Variants in CDK14 observed in about 807,000 individuals in gnomAD.
CDK14 encodes the protein cyclin-dependent kinase 14.
In CDK14, 34 loss-of-function variants were observed where a neutral mutation model predicts 60.7. The ratio of observed to expected loss-of-function variants is 0.56; its 90% CI spans 0.43 to 0.75. CDK14 has a LOEUF of 0.75. Ranked by LOEUF, CDK14 falls within the 30% of genes least tolerant of loss-of-function variation. The probability of loss-of-function intolerance (pLI) is 0.00; values close to 1 mark genes in which losing one functional copy is unlikely to be tolerated. For missense variants in CDK14, 482 were observed against 564.1 expected, an observed-to-expected ratio of 0.85 and a Z score of 1.47; for synonymous variants, 197 against 203.7, an observed-to-expected ratio of 0.97 and a Z score of 0.28.
At chr7:91,128,466 A>G (rs1410939743) in intron 14 of CDK14, among the ~76,000 whole-genome samples, 1 of 152,178 alleles carries the variant, frequency 6.6e-6, no homozygotes, top group African/African-American at 2.4e-5. Context: ...TTGAAAACAA[A>G]ATTTTTATAG....
chr7:90,732,308 TG>T (rs1802900358), intron 3 of CDK14, among the ~76,000 whole-genome samples: 1 of 152,012 alleles, frequency 6.6e-6, no homozygotes, highest in Admixed American at 6.6e-5. Context: ...TTTCTTTTTT[TG>T]TTGTGTCTCT....
chr7:90,651,652 G>A (rs1800645188), intron 2 of CDK14, among the ~76,000 whole-genome samples: 1 of 152,104 alleles, frequency 6.6e-6, no homozygotes, highest in Non-Finnish European at 1.5e-5. Context: ...ACAGTGACAT[G>A]TTTGTAGTTA....
rs964665040 is a variant in CDK14 at position 91,208,561 on chromosome 7, T to C, written c.*1425T>C. 1 of 152,228 alleles carries C rather than the reference T, an allele frequency of 6.6e-6. No homozygotes were observed. The highest frequency in any genetic ancestry group is 2.4e-5 in the African/African-American group (1 of 41,458). 9.4% of individuals were successfully genotyped at this position (152,228 alleles called of 1,614,324 possible). On this transcript the variant is annotated 3_prime_UTR_variant, in exon 15 of 15. Coordinates refer to ENST00000380050, the MANE Select transcript of CDK14 (RefSeq NM_001287135.2). ...ATACCTTTGTGTACAGTGTCTTACATTTTCCTATTAGTCAGAAAGAAGGAG... is the reference window on the plus strand; with the variant it reads ...ATACCTTTGTGTACAGTGTCTTACACTTTCCTATTAGTCAGAAAGAAGGAG...
intron 14 of CDK14, among the ~76,000 whole-genome samples, chr7:91,198,593 A>G (rs1453113046): frequency 1.3e-5 from 2 of 152,222 alleles, no homozygotes; most frequent in Non-Finnish European, 2.9e-5. Context: ...GACTCAAAAT[A>G]ACATTGGAAA....
At chr7:90,872,809 G>T (rs1285217882) in intron 6 of CDK14, among the ~76,000 whole-genome samples, 1 of 152,150 alleles carries the variant, frequency 6.6e-6, no homozygotes, top group African/African-American at 2.4e-5. Context: ...TATGGTAAAT[G>T]CCTGCCTATC....
intron 14 of CDK14, among the ~76,000 whole-genome samples, chr7:91,154,983 A>C (rs1800943726): frequency 6.6e-6 from 1 of 152,186 alleles, no homozygotes; most frequent in Admixed American, 6.5e-5. Flanking sequence ...GGGCATACTG[A>C]AGTGGACACA....
At chr7:90,863,419 C>A in intron 6 of CDK14, 150 bp downstream of exon 6, 1 of 491,072 alleles carries the variant, frequency 2.0e-6, no homozygotes, top group Non-Finnish European at 3.6e-6. Flanking sequence ...AAAATAAAGG[C>A]CCTATAAGAG....
chr7:91,109,650 A>G (rs1799417837), intron 12 of CDK14, among the ~76,000 whole-genome samples: 1 of 152,140 alleles, frequency 6.6e-6, no homozygotes, highest in African/African-American at 2.4e-5. Context: ...TCTCCTTGAG[A>G]GATGAGGATT....
chr7:90,964,348 A>G (rs1189134044), intron 9 of CDK14, among the ~76,000 whole-genome samples: 2 of 152,188 alleles, frequency 1.3e-5, no homozygotes, highest in Admixed American at 1.3e-4. Flanking sequence ...AAGGAGAGTC[A>G]TTGTTATAGT....
At chr7:91,022,753 G>C (rs1293651681) in intron 10 of CDK14, among the ~76,000 whole-genome samples, 3 of 151,556 alleles carry the variant, frequency 2.0e-5, no homozygotes, top group African/African-American at 7.3e-5. Context: ...TTTTTCATTT[G>C]TGTTCAAGAT....
chr7:90,968,376 A>G (rs898242554), intron 9 of CDK14, among the ~76,000 whole-genome samples: 1 of 152,244 alleles, frequency 6.6e-6, no homozygotes, highest in Non-Finnish European at 1.5e-5. Flanking sequence ...CATTAAAAAT[A>G]AAACAAAACG....
intron 4 of CDK14, among the ~76,000 whole-genome samples, chr7:90,760,424 C>G (rs78301224): frequency 1.3e-5 from 2 of 152,274 alleles, no homozygotes; most frequent in East Asian, 3.9e-4. Flanking sequence ...ATTGAAGCTG[C>G]AATCTTAAGT....
At chr7:91,182,487 C>T (rs1231459025) in intron 14 of CDK14, among the ~76,000 whole-genome samples, 2 of 151,938 alleles carry the variant, frequency 1.3e-5, no homozygotes, top group Non-Finnish European at 2.9e-5. Context: ...CTACCTCCAC[C>T]TCTGTCTCTC....
At chr7:91,097,548 A>G (rs1011016188) in intron 12 of CDK14, among the ~76,000 whole-genome samples, 5 of 151,688 alleles carry the variant, frequency 3.3e-5, no homozygotes, top group African/African-American at 9.7e-5. Context: ...ACATTCCAGG[A>G]TTTTCTGAGT....
At position 90,911,529 on chromosome 7, in the gene CDK14, A is replaced by G. The variant is rs142932762; in HGVS notation, c.703-6072A>G. The stretch of plus-strand genomic sequence containing the variant: ...AGAGACCCCGCACATTCCTTAAAAG[A>G]AGTTGACACACGCCCTGAAAAATCT... On this transcript the variant is annotated intron_variant, in intron 7 of 14. Coordinates refer to ENST00000380050, the MANE Select transcript of CDK14 (RefSeq NM_001287135.2). 7.6e-3 allele frequency among the ~76,000 whole-genome samples: 1,154 copies of G among 152,320 alleles called. 19 individuals carry two copies. Among genetic ancestry groups the G allele is most frequent in the African/African-American group, 0.027 (1,114 of 41,568 alleles).
intron 2 of CDK14, among the ~76,000 whole-genome samples, chr7:90,680,825 A>G (rs989047891): frequency 1.3e-5 from 2 of 152,220 alleles, no homozygotes; most frequent in African/African-American, 2.4e-5. Context: ...TGGAAACAAC[A>G]TTGTGATCAC....
At chr7:91,002,731 T>G (rs924141453) in intron 10 of CDK14, among the ~76,000 whole-genome samples, 5 of 152,142 alleles carry the variant, frequency 3.3e-5, no homozygotes, top group African/African-American at 1.2e-4. Context: ...AACCCCAGCC[T>G]CTTGAATCTA....
At chr7:90,598,125 A>G (rs901684097) in intron 1 of CDK14, among the ~76,000 whole-genome samples, 2 of 152,236 alleles carry the variant, frequency 1.3e-5, no homozygotes, top group African/African-American at 4.8e-5. Context: ...TCTGGAGTCC[A>G]TTAAGCCGTG....
At chr7:91,156,205 T>G (rs976760078) in intron 14 of CDK14, among the ~76,000 whole-genome samples, 5 of 152,332 alleles carry the variant, frequency 3.3e-5, no homozygotes, top group Non-Finnish European at 7.3e-5. Flanking sequence ...TTGTTGTTTG[T>G]TTTTTAATTT....
Sources: gnomAD v4.1 joint callset for allele counts (sites outside exome capture counted in the v4.1 genomes callset) on GRCh38, gnomAD v4.1.1 for gene constraint, MANE v1.5 for transcripts, NCBI Gene and HGNC (gene_info 2026-07-23, HGNC 2026-07-21) for gene names.